Variants in RCL1 observed in about 807,000 individuals in gnomAD.
RCL1 encodes RNA terminal phosphate cyclase like 1, also known as RNA 3'-terminal phosphate cyclase-like protein.
Under a neutral mutation model 42.4 loss-of-function variants are expected in RCL1, and 24 were observed. The ratio of observed to expected loss-of-function variants is 0.57; its 90% CI spans 0.41 to 0.80. The LOEUF (loss-of-function observed/expected upper bound fraction) is 0.80. Among genes scored for constraint, RCL1 ranks in the 30% least tolerant of loss-of-function variants. The probability of loss-of-function intolerance (pLI) is 0.00; values close to 1 mark genes in which losing one functional copy is unlikely to be tolerated. For missense variants in RCL1, 578 were observed against 467.9 expected (o/e 1.24, Z -2.17); for synonymous variants, 228 against 177.3 (o/e 1.29, Z -2.27).
At position 4,822,556 on chromosome 9, in the gene RCL1, G is replaced by A. The variant is rs370401896; in HGVS notation, c.137-992G>A. 1.2e-4 allele frequency among the ~76,000 whole-genome samples: 18 copies of A among 152,168 alleles called. 1 individual carries two copies. The South Asian group carries it at 3.1e-3, about 26-fold the overall frequency. On this transcript the variant is annotated intron_variant, in intron 1 of 8. Transcript: ENST00000381750. ...CTTTTGCCCAGGCTTGGTGGCTCAC[G>A]ACTGTAATCCCAGCACTTTGGGAGG...
chr9:4,827,440 T>C (rs1816799883), intron 3 of RCL1: 1 of 415,180 alleles, frequency 2.4e-6, no homozygotes, highest in South Asian at 3.2e-5. Context: ...TGTTACAGCG[T>C]AATCTTGACT....
At chr9:4,796,490 G>A (rs762537124) in intron 1 of RCL1, among the ~76,000 whole-genome samples, 1 of 152,086 alleles carries the variant, frequency 6.6e-6, no homozygotes, top group Non-Finnish European at 1.5e-5. Flanking sequence ...CAACCTCTTG[G>A]GCTCAGGTGA....
intron 1 of RCL1, among the ~76,000 whole-genome samples, chr9:4,794,704 C>G (rs1395244126): frequency 6.6e-6 from 1 of 150,792 alleles, no homozygotes; most frequent in Admixed American, 6.6e-5. Context: ...TAAAATGAAT[C>G]TAGTTCTATT....
At chr9:4,856,237 G>A (rs1817954865) in intron 8 of RCL1, among the ~76,000 whole-genome samples, 1 of 152,190 alleles carries the variant, frequency 6.6e-6, no homozygotes, top group Admixed American at 6.5e-5. Flanking sequence ...ATGGTGGGAT[G>A]GATAGAAAGC....
chr9:4,858,785 T>C (rs990917083), intron 8 of RCL1, among the ~76,000 whole-genome samples: 3 of 152,196 alleles, frequency 2.0e-5, no homozygotes, highest in Non-Finnish European at 2.9e-5. Context: ...AGAGTTTGGC[T>C]GGTTTGATTG....
chr9:4,820,398 G>C (rs891023176), intron 1 of RCL1, among the ~76,000 whole-genome samples: 2 of 152,180 alleles, frequency 1.3e-5, no homozygotes, highest in African/African-American at 2.4e-5. Context: ...CTCTGAGTCT[G>C]CTTCTTTGAA....
chr9:4,813,751 C>T (rs149923668), intron 1 of RCL1, among the ~76,000 whole-genome samples: 1,717 of 152,250 alleles, frequency 0.011, 33 homozygotes, highest in African/African-American at 0.039. Flanking sequence ...ATGTTTATTG[C>T]GGCACTATTC....
chr9:4,823,377 A>C (rs933147835), intron 1 of RCL1, among the ~76,000 whole-genome samples, 171 bp from the exon 2 acceptor site: 2 of 150,618 alleles, frequency 1.3e-5, no homozygotes, highest in Non-Finnish European at 2.9e-5. Context: ...CAACTGCGTC[A>C]GGTTCCTCAA....
chr9:4,824,723 C>T (rs1342303607), intron 2 of RCL1, among the ~76,000 whole-genome samples: 1 of 152,128 alleles, frequency 6.6e-6, no homozygotes, highest in Non-Finnish European at 1.5e-5. Flanking sequence ...GGTCCTATAC[C>T]ACATGAGATA....
chr9:4,855,511 GAGC>G (rs1304108344), intron 8 of RCL1, among the ~76,000 whole-genome samples: 1 of 152,200 alleles, frequency 6.6e-6, no homozygotes, highest in East Asian at 1.9e-4. Flanking sequence ...TTGGGCTGTG[GAGC>G]AGGACGTGGA....
intron 4 of RCL1, 133 bp from the exon 5 acceptor site, chr9:4,834,008 A>G: frequency 1.0e-6 from 1 of 979,818 alleles, no homozygotes; most frequent in Non-Finnish European, 1.5e-6. Flanking sequence ...TCTTGAAGGG[A>G]ATGACAGATT....
At chr9:4,800,738 C>T (rs1202987328) in intron 1 of RCL1, among the ~76,000 whole-genome samples, 17 of 150,810 alleles carry the variant, frequency 1.1e-4, no homozygotes, top group African/African-American at 3.7e-4. Flanking sequence ...CTGCAACCTC[C>T]GCCTCCCAGG....
At chr9:4,859,004 T>C (rs1818063379) in intron 8 of RCL1, among the ~76,000 whole-genome samples, 1 of 152,208 alleles carries the variant, frequency 6.6e-6, no homozygotes, top group South Asian at 2.1e-4. Context: ...ACTGTGATTC[T>C]GGGCTCTTCC....
At chr9:4,844,756 T>G in intron 7 of RCL1, 75 bp downstream of exon 7, 1 of 1,470,938 alleles carries the variant, frequency 6.8e-7, no homozygotes, top group Non-Finnish European at 9.3e-7. Context: ...TCTTGGCAGC[T>G]TTCGTCCTCT....
chr9:4,846,972 G>A (rs1206462881), intron 7 of RCL1, among the ~76,000 whole-genome samples: 1 of 150,860 alleles, frequency 6.6e-6, no homozygotes, highest in African/African-American at 2.4e-5. Context: ...TGCAACCTCT[G>A]CCTTCTGGGT....
At chr9:4,818,743 G>C (rs552543175) in intron 1 of RCL1, among the ~76,000 whole-genome samples, 2 of 151,996 alleles carry the variant, frequency 1.3e-5, no homozygotes, top group African/African-American at 2.4e-5. Flanking sequence ...ATGGTGGCAC[G>C]TGCCTGTAGT....
chr9:4,836,400 T>G (rs973509684), intron 5 of RCL1, among the ~76,000 whole-genome samples: 1 of 152,152 alleles, frequency 6.6e-6, no homozygotes, highest in African/African-American at 2.4e-5. Context: ...GGTCAAGGGA[T>G]GAGAAACTTT....
intron 8 of RCL1, among the ~76,000 whole-genome samples, chr9:4,856,245 A>G (rs1483822784): frequency 6.6e-6 from 1 of 152,204 alleles, no homozygotes; most frequent in Non-Finnish European, 1.5e-5. Flanking sequence ...ATGGATAGAA[A>G]GCAACAACGA....
At chr9:4,835,326 C>G (rs1184322384) in intron 5 of RCL1, among the ~76,000 whole-genome samples, 1 of 152,124 alleles carries the variant, frequency 6.6e-6, no homozygotes, top group Admixed American at 6.5e-5. Flanking sequence ...ACATAGCTTC[C>G]TGGAAGCTCA....
Sources: allele counts gnomAD v4.1 joint callset (sites outside exome capture counted in the v4.1 genomes callset), GRCh38; gene constraint gnomAD v4.1.1; transcripts MANE v1.5; gene names NCBI Gene and HGNC (gene_info 2026-07-23, HGNC 2026-07-21).